The following ERBB4 variants were observed in gnomAD, a reference collection of about 807,000 sequenced individuals.
ERBB4 encodes erb-b2 receptor tyrosine kinase 4, also known as receptor tyrosine-protein kinase erbB-4.
In ERBB4, 42 loss-of-function variants were observed where a neutral mutation model predicts 158.0. The observed-to-expected ratio is 0.27, with a 90% CI of 0.21 to 0.34. The LOEUF (loss-of-function observed/expected upper bound fraction) is 0.34, where lower values mean the gene tolerates loss of function less well. Ranked by LOEUF, ERBB4 falls within the 10% of genes least tolerant of loss-of-function variation. The pLI is 1.00. For missense variants in ERBB4, 1,333 were observed against 1,624.1 expected (o/e 0.82, Z 3.08); for synonymous variants, 583 against 558.7 (o/e 1.04, Z -0.61).
In ERBB4 at chr2:212,528,208, T is replaced by G. The variant is rs1051886726; in HGVS notation, c.82+10241A>C. On this transcript the variant is annotated intron_variant, in intron 1 of 27. Transcript: ENST00000342788. Reference sequence around the variant, plus strand: ...GACCTGAAGGCACTAAGATCTGGCATGCTAAGCATCCCTTTCTTGCACAGT... The same window carrying G: ...GACCTGAAGGCACTAAGATCTGGCAGGCTAAGCATCCCTTTCTTGCACAGT... Among the ~76,000 whole-genome samples the G allele has an allele frequency of 2.0e-5, 3 of 152,140 alleles. 1 individual carries two copies. In the South Asian group the frequency reaches 6.2e-4, roughly 32 times the overall value.
intron 2 of ERBB4, among the ~76,000 whole-genome samples, chr2:212,071,106 G>T (rs1250279995): frequency 2.0e-5 from 3 of 151,702 alleles, no homozygotes; most frequent in Non-Finnish European, 4.4e-5. Flanking sequence ...TTGAAGAGGG[G>T]GGTGTTACAA....
Position 211,929,058 on chromosome 2 carries a change from C to A in ERBB4, c.421+18372G>T, listed in dbSNP as rs191452305. Among the ~76,000 whole-genome samples, 4 of 152,206 alleles carry A rather than the reference C, an allele frequency of 2.6e-5. No individual in the cohort carries two copies. In the East Asian group the frequency reaches 7.7e-4, roughly 29 times the overall value. ...ATACCAATAAGCAAATGAAAATATACCTTCATGGGTACATGTAATAGCTCT... is the reference window on the plus strand; with the variant it reads ...ATACCAATAAGCAAATGAAAATATAACTTCATGGGTACATGTAATAGCTCT... On this transcript the variant is annotated intron_variant, in intron 3 of 27. Transcript: ENST00000342788.
chr2:212,381,430 C>T (rs1198299693), intron 1 of ERBB4, among the ~76,000 whole-genome samples: 1 of 151,228 alleles, frequency 6.6e-6, no homozygotes, highest in Non-Finnish European at 1.5e-5. Context: ...TTACTTGTTG[C>T]TTGGAAAACC....
chr2:212,411,065 T>C (rs1469110006), intron 1 of ERBB4, among the ~76,000 whole-genome samples: 2 of 152,106 alleles, frequency 1.3e-5, no homozygotes, highest in African/African-American at 4.8e-5. Context: ...TTAAGTAAAA[T>C]GGCTTAAACT....
chr2:211,392,729 C>A (rs181353268), intron 25 of ERBB4, among the ~76,000 whole-genome samples: 3 of 152,100 alleles, frequency 2.0e-5, no homozygotes, highest in African/African-American at 7.2e-5. Context: ...AGTGCAGTGG[C>A]GTGATCTCGG....
At chr2:211,718,617 C>T (rs1345900034) in intron 7 of ERBB4, among the ~76,000 whole-genome samples, 2 of 152,038 alleles carry the variant, frequency 1.3e-5, no homozygotes, top group African/African-American at 2.4e-5. Context: ...CAGCCATCAA[C>T]ATAGACAATC....
chr2:212,298,168 G>A (rs189190251), intron 1 of ERBB4, among the ~76,000 whole-genome samples: 89 of 151,632 alleles, frequency 5.9e-4, no homozygotes, highest in Admixed American at 4.6e-3. Context: ...GACTGCTCTA[G>A]GTAGAACATT....
chr2:211,442,153 C>A (rs1559172397), intron 20 of ERBB4, among the ~76,000 whole-genome samples: 1 of 152,042 alleles, frequency 6.6e-6, no homozygotes, highest in Admixed American at 6.6e-5. Flanking sequence ...AAGCTGAAAA[C>A]CCTCTAATTT....
At chr2:211,386,817 TCGA>T in intron 27 of ERBB4, 33 bp downstream of exon 27, 1 of 1,607,730 alleles carries the variant, frequency 6.2e-7, no homozygotes, top group Non-Finnish European at 8.5e-7. Context: ...GAAGTGAACT[TCGA>T]ATGGCGATCG....
At chr2:212,537,150 C>CGGCGGCGGG (rs576146218) in intron 1 of ERBB4, among the ~76,000 whole-genome samples, 41 of 151,210 alleles carry the variant, frequency 2.7e-4, no homozygotes, top group South Asian at 1.1e-3. Context: ...GCGGCGGCGG[C>CGGCGGCGGG]GGCGGAGCGG....
At chr2:212,322,607 G>A (rs1315141051) in intron 1 of ERBB4, among the ~76,000 whole-genome samples, 2 of 150,436 alleles carry the variant, frequency 1.3e-5, no homozygotes, top group Non-Finnish European at 3.0e-5. Context: ...TAAGTCTGTT[G>A]TAAAAGATTT....
intron 1 of ERBB4, among the ~76,000 whole-genome samples, chr2:212,208,418 G>A (rs2082831002): frequency 1.3e-5 from 2 of 151,834 alleles, no homozygotes; most frequent in Non-Finnish European, 2.9e-5. Context: ...CTATCTTGAA[G>A]AAAGATTCAA....
At position 211,957,602 on chromosome 2, in the gene ERBB4, G is replaced by T. The variant is rs1412666220; in HGVS notation, c.235-9986C>A. Among the ~76,000 whole-genome samples the T allele has an allele frequency of 2.6e-5, 4 of 151,990 alleles. No homozygotes were observed. The East Asian group carries it at 7.7e-4, about 29-fold the overall frequency. On this transcript the variant is annotated intron_variant, in intron 2 of 27. Transcript: ENST00000342788. ...TTATCTGTAAAATGGGGATGTTAAG[G>T]TCTCCAAATCCTAGGATTATTTTGA...
chr2:211,437,899 T>C (rs1014490660), intron 20 of ERBB4, among the ~76,000 whole-genome samples: 2 of 152,146 alleles, frequency 1.3e-5, no homozygotes, highest in African/African-American at 4.8e-5. Context: ...AATCCAACTA[T>C]AATGCTTACT....
intron 3 of ERBB4, among the ~76,000 whole-genome samples, chr2:211,930,512 CTGCAA>C (rs1470924732): frequency 6.6e-6 from 1 of 152,098 alleles, no homozygotes; most frequent in Non-Finnish European, 1.5e-5. Context: ...GTTACCGAGT[CTGCAA>C]ACCAAGTCTA....
At chr2:211,636,383 C>A (rs554691568) in intron 16 of ERBB4, among the ~76,000 whole-genome samples, 2 of 151,990 alleles carry the variant, frequency 1.3e-5, no homozygotes, top group African/African-American at 4.8e-5. Flanking sequence ...TATCAAATAG[C>A]TTAAATATAC....
chr2:212,479,097 A>C (rs546864406), intron 1 of ERBB4, among the ~76,000 whole-genome samples: 1 of 152,310 alleles, frequency 6.6e-6, no homozygotes, highest in African/African-American at 2.4e-5. Context: ...CTGGAACCAG[A>C]ATGATTGTTA....
intron 3 of ERBB4, among the ~76,000 whole-genome samples, chr2:211,792,073 T>G (rs2076289646): frequency 6.6e-6 from 1 of 151,754 alleles, no homozygotes; most frequent in Non-Finnish European, 1.5e-5. Flanking sequence ...CATGAATAAT[T>G]GTTAGATTTA....
chr2:211,882,796 T>C (rs1430513613), intron 3 of ERBB4, among the ~76,000 whole-genome samples: 2 of 152,212 alleles, frequency 1.3e-5, no homozygotes, highest in East Asian at 1.9e-4. Context: ...GTTCTAACAA[T>C]TGAAGAGACT....
Sources: allele counts gnomAD v4.1 joint callset (sites outside exome capture counted in the v4.1 genomes callset), GRCh38; gene constraint gnomAD v4.1.1; transcripts MANE v1.5; gene names NCBI Gene and HGNC (gene_info 2026-07-23, HGNC 2026-07-21).